Variants in KALRN observed in about 807,000 individuals in gnomAD.
KALRN encodes the protein kalirin RhoGEF kinase.
In KALRN, 70 loss-of-function variants were observed where a neutral mutation model predicts 353.7. The ratio of observed to expected loss-of-function variants is 0.20; its 90% CI spans 0.16 to 0.24. The LOEUF (loss-of-function observed/expected upper bound fraction) is 0.24. Among genes scored for constraint, KALRN ranks in the 10% least tolerant of loss-of-function variants. The pLI, the probability that KALRN is intolerant of heterozygous loss-of-function variation, is 1.00. For missense variants in KALRN, 2,791 were observed against 3,756.7 expected, an observed-to-expected ratio of 0.74 and a Z score of 6.72; for synonymous variants, 1,391 against 1,434.8, an observed-to-expected ratio of 0.97 and a Z score of 0.69.
chr3:124,485,215 G>T (rs1240159949), intron 28 of KALRN, among the ~76,000 whole-genome samples: 2 of 152,214 alleles, frequency 1.3e-5, no homozygotes, highest in East Asian at 3.8e-4. Context: ...TTCAGGAATT[G>T]GTGGGGTTGT....
At chr3:124,327,812 T>A (rs2080079188) in intron 7 of KALRN, among the ~76,000 whole-genome samples, 1 of 152,154 alleles carries the variant, frequency 6.6e-6, no homozygotes, top group Non-Finnish European at 1.5e-5. Context: ...TCTGTTACCC[T>A]CTCTAGTGTG....
chr3:124,583,511 C>A (rs34455219), intron 34 of KALRN, among the ~76,000 whole-genome samples: 38,146 of 151,916 alleles, frequency 0.25, 4,943 homozygotes, highest in East Asian at 0.33. Context: ...CATATTGGGC[C>A]GAGGGGATGG....
intron 57 of KALRN, among the ~76,000 whole-genome samples, chr3:124,708,383 G>C (rs2062738308): frequency 6.6e-6 from 1 of 152,004 alleles, no homozygotes; most frequent in Non-Finnish European, 1.5e-5. Context: ...GTAAGGTAAA[G>C]GTGAATACTC....
intron 19 of KALRN, among the ~76,000 whole-genome samples, chr3:124,444,797 C>CAA (rs11370484): frequency 0.011 from 1,136 of 101,838 alleles, 28 homozygotes; most frequent in Admixed American, 0.015. Flanking sequence ...AAGACCCTGT[C>CAA]AAAAAAAAAA....
At chr3:124,161,986 T>C (rs1002651496) in intron 1 of KALRN, among the ~76,000 whole-genome samples, 3 of 152,218 alleles carry the variant, frequency 2.0e-5, no homozygotes, top group Non-Finnish European at 2.9e-5. Context: ...GGACTTGTAT[T>C]GTACCTCCTC....
At chr3:124,696,798 T>C (rs1477971730) in intron 54 of KALRN, among the ~76,000 whole-genome samples, 1 of 152,232 alleles carries the variant, frequency 6.6e-6, no homozygotes, top group Non-Finnish European at 1.5e-5. Context: ...ACAGAACTTT[T>C]TCATCTTCCC....
intron 11 of KALRN, among the ~76,000 whole-genome samples, chr3:124,393,002 G>T (rs1332962896): frequency 1.8e-5 from 2 of 110,356 alleles, no homozygotes; most frequent in East Asian, 6.0e-4. Flanking sequence ...GTCTTGCTCT[G>T]TTCCCCAGGC....
intron 10 of KALRN, among the ~76,000 whole-genome samples, chr3:124,350,638 G>C (rs1022035636): frequency 6.6e-6 from 1 of 152,122 alleles, no homozygotes; most frequent in African/African-American, 2.4e-5. Flanking sequence ...GTGAGGGTGG[G>C]GGATGTTGCC....
chr3:124,429,334 A>G (rs974955334), intron 15 of KALRN, among the ~76,000 whole-genome samples: 2 of 152,200 alleles, frequency 1.3e-5, no homozygotes, highest in Non-Finnish European at 2.9e-5. Flanking sequence ...AGAGGTGCCT[A>G]TGAGTTCTAG....
At chr3:124,076,902 T>G (rs1013825618) in intron 1 of KALRN, among the ~76,000 whole-genome samples, 1 of 152,208 alleles carries the variant, frequency 6.6e-6, no homozygotes, top group African/African-American at 2.4e-5. Flanking sequence ...AGTGGCCCAG[T>G]TTTTAAATGT....
At chr3:124,424,816 T>C (rs2092944171) in intron 15 of KALRN, among the ~76,000 whole-genome samples, 2 of 152,188 alleles carry the variant, frequency 1.3e-5, no homozygotes, top group South Asian at 4.1e-4. Context: ...TAAGAGAACA[T>C]GCCCATGGGG....
chr3:124,688,955 C>T (rs1231270947), intron 51 of KALRN, among the ~76,000 whole-genome samples: 1 of 152,200 alleles, frequency 6.6e-6, no homozygotes, highest in South Asian at 2.1e-4. Context: ...CAGAAGGAAA[C>T]TAAGTTGCTG....
At chr3:124,548,516 A>C (rs1241466718) in intron 33 of KALRN, among the ~76,000 whole-genome samples, 1 of 152,234 alleles carries the variant, frequency 6.6e-6, no homozygotes, top group Non-Finnish European at 1.5e-5. Context: ...TCTGCTCAGC[A>C]CCACTGAGCC....
intron 9 of KALRN, among the ~76,000 whole-genome samples, chr3:124,339,961 G>A (rs74806008): frequency 0.014 from 2,139 of 152,194 alleles, 50 homozygotes; most frequent in African/African-American, 0.049. Context: ...GTTGCAAAAC[G>A]TCTCCATTTC....
chr3:124,266,719 C>T (rs1054557491), intron 4 of KALRN, among the ~76,000 whole-genome samples: 1 of 152,174 alleles, frequency 6.6e-6, no homozygotes, highest in African/African-American at 2.4e-5. Flanking sequence ...GCACAATGAC[C>T]TGACACTTGA....
intron 10 of KALRN, among the ~76,000 whole-genome samples, chr3:124,360,744 C>G (rs2083944100): frequency 6.6e-6 from 1 of 152,224 alleles, no homozygotes; most frequent in Non-Finnish European, 1.5e-5. Context: ...GAAGCAGAAT[C>G]AACTTCCTTT....
At chr3:124,251,752 G>A (rs528672901) in intron 3 of KALRN, among the ~76,000 whole-genome samples, 123 of 152,246 alleles carry the variant, frequency 8.1e-4, no homozygotes, top group African/African-American at 2.8e-3. Context: ...CAGAGATCCC[G>A]CTGAGTGATT....
At chr3:124,689,208 C>CT (rs1328134968) in intron 51 of KALRN, among the ~76,000 whole-genome samples, 2 of 151,962 alleles carry the variant, frequency 1.3e-5, no homozygotes, top group African/African-American at 2.4e-5. Context: ...TCTATGTTTT[C>CT]TTTTTTTTAT....
intron 34 of KALRN, among the ~76,000 whole-genome samples, chr3:124,576,375 C>T (rs1053439783): frequency 2.6e-5 from 4 of 151,972 alleles, no homozygotes; most frequent in South Asian, 2.1e-4. Context: ...AAAGGAGGGA[C>T]GGATCATGCA....
Sources: allele counts gnomAD v4.1 joint callset (sites outside exome capture counted in the v4.1 genomes callset), GRCh38; gene constraint gnomAD v4.1.1; transcripts MANE v1.5; gene names NCBI Gene and HGNC (gene_info 2026-07-23, HGNC 2026-07-21).